WWOX: variants seen among roughly 807,000 people sequenced by gnomAD.
WWOX encodes the protein WW domain-containing oxidoreductase.
WWOX carries 69 observed loss-of-function variants against 46.2 expected under a neutral mutation model. The ratio of observed to expected loss-of-function variants is 1.49; its 90% CI spans 1.23 to 1.82. WWOX has a LOEUF of 1.82. WWOX is among the 40% of genes most tolerant of loss of function. WWOX has a pLI of 0.00. For missense variants in WWOX, 919 were observed against 542.6 expected (o/e 1.69, Z -6.89); for synonymous variants, 359 against 202.6 (o/e 1.77, Z -6.56).
intron 8 of WWOX, among the ~76,000 whole-genome samples, chr16:78,528,015 T>G (rs2043521876): frequency 1.1e-5 from 1 of 92,298 alleles, no homozygotes; most frequent in African/African-American, 3.1e-5. Context: ...TTTTTTTTTT[T>G]TGAGACGGAG....
chr16:78,676,385 C>A (rs574790704), intron 8 of WWOX, among the ~76,000 whole-genome samples: 2 of 150,518 alleles, frequency 1.3e-5, no homozygotes, highest in South Asian at 4.2e-4. Flanking sequence ...GAGCTATTAA[C>A]AGCCCTCCAT....
chr16:78,891,751 T>C (rs572184535), intron 8 of WWOX: 1 of 151,662 alleles, frequency 6.6e-6, no homozygotes, highest in Non-Finnish European at 1.5e-5. Context: ...AGATGACAAA[T>C]GATTTCGAAT....
At chr16:79,052,700 G>A (rs1285961063) in intron 8 of WWOX, among the ~76,000 whole-genome samples, 1 of 152,188 alleles carries the variant, frequency 6.6e-6, no homozygotes, top group Admixed American at 6.5e-5. Context: ...AAATGAGCCT[G>A]TCTCCTTTGT....
At chr16:78,143,939 TA>T (rs1415285025) in intron 4 of WWOX, among the ~76,000 whole-genome samples, 4 of 151,276 alleles carry the variant, frequency 2.6e-5, no homozygotes, top group East Asian at 1.9e-4. Flanking sequence ...ATTTTCACTT[TA>T]AAAAAAAATC....
At chr16:78,977,173 A>T (rs993147074) in intron 8 of WWOX, among the ~76,000 whole-genome samples, 1 of 152,074 alleles carries the variant, frequency 6.6e-6, no homozygotes, top group Non-Finnish European at 1.5e-5. Context: ...TCATTCACTC[A>T]AGTGTTTGTT....
At position 78,683,540 on chromosome 16, in the gene WWOX, A is replaced by AAT. The variant is rs962181726; in HGVS notation, c.1056+250789_1056+250790insTA. ...GGCTGACAGAGGGAGACTCTATCTCAAAAAAAAATAATAAAAATAATAAAA... is the reference window on the plus strand; with the variant it reads ...GGCTGACAGAGGGAGACTCTATCTCAATAAAAAAAATAATAAAAATAATAAAA... On this transcript the variant is annotated intron_variant, in intron 8 of 8. Transcript: ENST00000566780. Among the ~76,000 whole-genome samples the AAT allele has an allele frequency of 7.7e-4, 40 of 51,642 alleles. 1 individual carries two copies. The highest frequency in any genetic ancestry group is 2.2e-3 in the African/African-American group (40 of 18,300). 33.9% of individuals were successfully genotyped at this position (51,642 alleles called of 152,430 possible). A position where few individuals can be genotyped will look rare whatever the true frequency, so the allele number is the denominator to read the frequency against.
At chr16:78,828,583 T>C (rs1274650170) in intron 8 of WWOX, among the ~76,000 whole-genome samples, 1 of 151,920 alleles carries the variant, frequency 6.6e-6, no homozygotes, top group Admixed American at 6.6e-5. Context: ...AAGGTCCTAC[T>C]ATATACCAAA....
At chr16:78,960,004 A>G (rs2046242874) in intron 8 of WWOX, among the ~76,000 whole-genome samples, 2 of 152,180 alleles carry the variant, frequency 1.3e-5, no homozygotes, top group African/African-American at 4.8e-5. Flanking sequence ...TAAAGGAAAT[A>G]CCAATGACAT....
intron 5 of WWOX, among the ~76,000 whole-genome samples, chr16:78,186,719 C>A (rs567295342): frequency 1.3e-5 from 2 of 152,176 alleles, no homozygotes; most frequent in South Asian, 4.1e-4. Flanking sequence ...GAGCCAAGAT[C>A]GTGCCACTGC....
intron 8 of WWOX, among the ~76,000 whole-genome samples, chr16:79,120,796 T>C (rs970008373): frequency 6.6e-6 from 1 of 152,234 alleles, no homozygotes; most frequent in African/African-American, 2.4e-5. Flanking sequence ...TGAGACACAG[T>C]CTCACTCTGT....
intron 8 of WWOX, among the ~76,000 whole-genome samples, chr16:78,723,332 G>T (rs1368917663): frequency 1.3e-5 from 2 of 152,158 alleles, no homozygotes; most frequent in African/African-American, 4.8e-5. Flanking sequence ...GTCAGTGTCT[G>T]TCAACGTGGC....
At chr16:78,551,579 T>G (rs2044173212) in intron 8 of WWOX, 1 of 152,222 alleles carries the variant, frequency 6.6e-6, no homozygotes, top group Non-Finnish European at 1.5e-5. Context: ...GGTAGCTGTT[T>G]GCTCTTCGCG....
chr16:78,702,056 G>T, intron 8 of WWOX, among the ~76,000 whole-genome samples: 3 of 92,510 alleles, frequency 3.2e-5, no homozygotes, highest in African/African-American at 9.9e-5. Flanking sequence ...AAATAATGCA[G>T]AAGTTTTATA....
At chr16:78,455,458 T>C (rs1358716883) in intron 8 of WWOX, among the ~76,000 whole-genome samples, 1 of 151,678 alleles carries the variant, frequency 6.6e-6, no homozygotes, top group East Asian at 1.9e-4. Context: ...CTGGCCAAAA[T>C]GGTGAAATGC....
Position 78,340,716 on chromosome 16 carries a change from C to A in WWOX, c.517-46144C>A, listed in dbSNP as rs2080997343. On this transcript the variant is annotated intron_variant, in intron 5 of 8. Coordinates refer to ENST00000566780, the MANE Select transcript of WWOX (RefSeq NM_016373.4). ...GTGTCCTGTTGGCAGAACAAATATC[C>A]CACAGAAGGATCTTCTTATCTTCTG... Among the ~76,000 whole-genome samples, 2 of 118,714 alleles carry A rather than the reference C, an allele frequency of 1.7e-5. 1 individual carries two copies. The highest frequency in any genetic ancestry group is 4.0e-5 in the Non-Finnish European group (2 of 50,044). 77.9% of individuals were successfully genotyped at this position (118,714 alleles called of 152,430 possible). A position where few individuals can be genotyped will look rare whatever the true frequency, so the allele number is the denominator to read the frequency against.
chr16:78,399,787 A>T (rs1443393440), intron 6 of WWOX, among the ~76,000 whole-genome samples: 1 of 152,180 alleles, frequency 6.6e-6, no homozygotes, highest in East Asian at 1.9e-4. Context: ...TTTGGAATCT[A>T]CACTTACATA....
intron 8 of WWOX, among the ~76,000 whole-genome samples, chr16:78,834,191 G>A (rs1480282226): frequency 6.6e-6 from 1 of 152,162 alleles, no homozygotes; most frequent in Admixed American, 6.5e-5. Flanking sequence ...CATAAATCTT[G>A]TAAATTTGCA....
chr16:78,929,022 T>G (rs895549494), intron 8 of WWOX, among the ~76,000 whole-genome samples: 17 of 152,218 alleles, frequency 1.1e-4, no homozygotes, highest in African/African-American at 4.1e-4. Context: ...TCACATATAG[T>G]TACATTAGAT....
intron 8 of WWOX, among the ~76,000 whole-genome samples, chr16:78,531,456 TTTA>T (rs1246422961): frequency 6.6e-6 from 1 of 152,218 alleles, no homozygotes; most frequent in African/African-American, 2.4e-5. Flanking sequence ...TCTCTAATAC[TTTA>T]TTATGTCATA....
Sources: gnomAD v4.1 joint callset for allele counts (sites outside exome capture counted in the v4.1 genomes callset) on GRCh38, gnomAD v4.1.1 for gene constraint, MANE v1.5 for transcripts, NCBI Gene and HGNC (gene_info 2026-07-23, HGNC 2026-07-21) for gene names.